SPHKAP: variants seen among roughly 807,000 people sequenced by gnomAD.
SPHKAP encodes the protein SPHK1 interactor, AKAP domain containing.
In SPHKAP, 67 loss-of-function variants were observed where a neutral mutation model predicts 137.5. That is an observed-to-expected ratio of 0.49 (90% CI 0.40 to 0.60). The LOEUF is 0.60. SPHKAP is among the 20% of genes least tolerant of loss of function. The pLI is 0.00. For missense variants in SPHKAP, 2,097 were observed against 2,069.3 expected (o/e 1.01, Z -0.26); for synonymous variants, 813 against 785.3 (o/e 1.04, Z -0.59).
At chr2:228,177,029 G>T (rs905871136) in intron 1 of SPHKAP, among the ~76,000 whole-genome samples, 1 of 151,960 alleles carries the variant, frequency 6.6e-6, no homozygotes, top group African/African-American at 2.4e-5. Context: ...CTAGCCAAAG[G>T]AGACCACTTG....
intron 3 of SPHKAP, among the ~76,000 whole-genome samples, chr2:228,062,047 T>C (rs565745180): frequency 6.6e-6 from 1 of 152,086 alleles, no homozygotes; most frequent in Non-Finnish European, 1.5e-5. Context: ...TATGAAACAA[T>C]TGGATGATTT....
intron 1 of SPHKAP, among the ~76,000 whole-genome samples, chr2:228,138,380 A>C (rs949710427): frequency 5.9e-5 from 9 of 152,238 alleles, no homozygotes; most frequent in African/African-American, 1.2e-4. Context: ...AATCTGTTTT[A>C]ACAATTTAAA....
chr2:228,109,323 A>T, intron 2 of SPHKAP: 9 of 973,880 alleles, frequency 9.2e-6, no homozygotes, highest in Non-Finnish European at 1.1e-5. Context: ...TTTTCAATTA[A>T]CAAAATATGG....
At chr2:228,042,485 T>C (rs1343725441) in intron 3 of SPHKAP, among the ~76,000 whole-genome samples, 1 of 152,150 alleles carries the variant, frequency 6.6e-6, no homozygotes, top group Non-Finnish European at 1.5e-5. Flanking sequence ...GCTATATCCA[T>C]TAGCAGTCAT....
chr2:228,128,633 G>T (rs13422230), intron 2 of SPHKAP, among the ~76,000 whole-genome samples: 51,983 of 151,962 alleles, frequency 0.34, 9,175 homozygotes, highest in East Asian at 0.51. Flanking sequence ...ATCTATGACA[G>T]TTATAGCCTT....
intron 3 of SPHKAP, among the ~76,000 whole-genome samples, chr2:228,064,985 C>A (rs1696780202): frequency 6.6e-6 from 1 of 152,162 alleles, no homozygotes; most frequent in Non-Finnish European, 1.5e-5. Context: ...CCCACCTTCC[C>A]AAACAAAAAG....
chr2:228,100,743 C>T (rs1381928263), intron 3 of SPHKAP, among the ~76,000 whole-genome samples: 1 of 152,020 alleles, frequency 6.6e-6, no homozygotes, highest in Admixed American at 6.5e-5. Flanking sequence ...ATTCAGTTTG[C>T]TAATATTTTA....
intron 2 of SPHKAP, among the ~76,000 whole-genome samples, chr2:228,127,532 T>A (rs1699114033): frequency 6.6e-6 from 1 of 152,188 alleles, no homozygotes; most frequent in African/African-American, 2.4e-5. Flanking sequence ...GAAATGAATG[T>A]GCTATAAATA....
rs1286564338 is a variant in SPHKAP at position 228,005,316 on chromosome 2, C to T, written c.4449-9622G>A. On this transcript the variant is annotated intron_variant, in intron 7 of 11. Transcript: ENST00000392056. ...CCCTTTACCATTATGTAATGGCCTT[C>T]GTCTCTTTTGATCTTTGTTGGTTTA... Among the ~76,000 whole-genome samples the T allele has an allele frequency of 7.9e-5, 12 of 151,598 alleles. 1 individual carries two copies. In the South Asian group the frequency reaches 1.7e-3, roughly 21 times the overall value.
intron 3 of SPHKAP, among the ~76,000 whole-genome samples, chr2:228,048,669 A>T (rs1696152031): frequency 6.6e-6 from 1 of 152,216 alleles, no homozygotes; most frequent in Non-Finnish European, 1.5e-5. Context: ...TATTCAGAAC[A>T]GTAACCTGCT....
At chr2:228,004,611 T>C (rs1018805694) in intron 7 of SPHKAP, among the ~76,000 whole-genome samples, 8 of 152,226 alleles carry the variant, frequency 5.3e-5, no homozygotes, top group Admixed American at 3.3e-4. Flanking sequence ...TTTGCATGTG[T>C]TTGCTCTTGC....
chr2:228,131,352 T>C (rs970572486), intron 2 of SPHKAP: 1 of 974,666 alleles, frequency 1.0e-6, no homozygotes, highest in African/African-American at 1.8e-5. Flanking sequence ...AAGCATTAGA[T>C]GGGGAACCAG....
chr2:227,983,916 T>C (rs1429338355), intron 11 of SPHKAP, among the ~76,000 whole-genome samples: 1 of 151,926 alleles, frequency 6.6e-6, no homozygotes, highest in East Asian at 1.9e-4. Context: ...AGTGGGAATA[T>C]ACGTTGTGGG....
Position 228,018,182 on chromosome 2 carries a change from G to A in SPHKAP, c.2672C>T (p.Thr891Ile), listed in dbSNP as rs757836655. 3 of 1,614,068 alleles carry A rather than the reference G, an allele frequency of 1.9e-6. No individual in the cohort carries two copies. Among genetic ancestry groups the A allele is most frequent in the East Asian group, 2.2e-5 (1 of 44,876 alleles). Residue 891 changes from threonine (T) to isoleucine (I), a missense_variant, in exon 7 of 12, where the codon ACA becomes ATA. Thr to Ile is a moderately conservative substitution (Grantham distance 89). Coordinates refer to ENST00000392056, the MANE Select transcript of SPHKAP (RefSeq NM_001142644.2). ...GACTTGAACTTCGTTGATGCGAGAT[G>A]TGGCACAGTTGTACTTTTCTTGGGT... Reference protein sequence around the residue: ...PNTQEKYNCATSRINEVQVNL... With the variant: ...PNTQEKYNCAISRINEVQVNL...
intron 1 of SPHKAP, among the ~76,000 whole-genome samples, chr2:228,172,247 G>T (rs187523811): frequency 7.6e-4 from 116 of 152,266 alleles, no homozygotes; most frequent in African/African-American, 2.6e-3. Context: ...CTAAATAGCA[G>T]CAGCTAGATT....
intron 1 of SPHKAP, among the ~76,000 whole-genome samples, chr2:228,140,235 C>T (rs1440145703): frequency 6.7e-6 from 1 of 149,840 alleles, no homozygotes; most frequent in Non-Finnish European, 1.5e-5. Flanking sequence ...GTGTGAGCTA[C>T]TGCACCCGGC....
intron 1 of SPHKAP, among the ~76,000 whole-genome samples, chr2:228,165,901 A>G (rs10186024): frequency 0.97 from 147,694 of 152,330 alleles, 71,769 homozygotes; most frequent in East Asian, 1. Context: ...TTAAGAGGTT[A>G]TGATTTTTAT....
intron 3 of SPHKAP, among the ~76,000 whole-genome samples, chr2:228,083,846 A>G (rs908071102): frequency 6.6e-6 from 1 of 151,978 alleles, no homozygotes; most frequent in Non-Finnish European, 1.5e-5. Context: ...AAAACCAAAC[A>G]CCACATGTTC....
chr2:228,156,267 C>T (rs992105866), intron 1 of SPHKAP, among the ~76,000 whole-genome samples: 9 of 152,164 alleles, frequency 5.9e-5, no homozygotes, highest in African/African-American at 2.2e-4. Context: ...TCCTAATGTA[C>T]TGGCTCAATT....
Sources: gnomAD v4.1 joint callset for allele counts (sites outside exome capture counted in the v4.1 genomes callset) on GRCh38, gnomAD v4.1.1 for gene constraint, MANE v1.5 for transcripts, NCBI Gene and HGNC (gene_info 2026-07-23, HGNC 2026-07-21) for gene names.